The following AFF1 variants were observed in gnomAD, a reference collection of about 807,000 sequenced individuals.
AFF1 encodes AF4/FMR2 family member 1.
AFF1 carries 48 observed loss-of-function variants against 121.7 expected under a neutral mutation model. The ratio of observed to expected loss-of-function variants is 0.39; its 90% CI spans 0.31 to 0.50. The LOEUF (loss-of-function observed/expected upper bound fraction) is 0.50, where lower values mean the gene tolerates loss of function less well. AFF1 is among the 20% of genes least tolerant of loss of function. AFF1 has a pLI of 0.76. For missense variants in AFF1, 1,523 were observed against 1,511.7 expected (o/e 1.01, Z -0.12); for synonymous variants, 613 against 563.0 (o/e 1.09, Z -1.26).
chr4:87,001,234 T>TTTTTG (rs1725695055), intron 2 of AFF1, among the ~76,000 whole-genome samples: 1 of 141,966 alleles, frequency 7.0e-6, no homozygotes, highest in African/African-American at 2.8e-5. Flanking sequence ...TTTTTTTTTT[T>TTTTTG]GGTGACGGCG....
intron 11 of AFF1, among the ~76,000 whole-genome samples, chr4:87,111,413 G>A (rs1726518073): frequency 6.6e-6 from 1 of 151,950 alleles, no homozygotes; most frequent in East Asian, 1.9e-4. Flanking sequence ...GAGTGCAGTG[G>A]TGTGATCTCG....
chr4:87,125,664 C>T (rs1728161803), intron 13 of AFF1, among the ~76,000 whole-genome samples: 1 of 152,114 alleles, frequency 6.6e-6, no homozygotes, highest in African/African-American at 2.4e-5. Flanking sequence ...TAACAAGCAG[C>T]TATTATTTAC....
intron 5 of AFF1, among the ~76,000 whole-genome samples, chr4:87,084,368 G>A (rs926890963): frequency 7.9e-5 from 12 of 151,742 alleles, no homozygotes; most frequent in African/African-American, 1.5e-4. Flanking sequence ...GCAAAACCCC[G>A]TATCTACTAA....
intron 8 of AFF1, among the ~76,000 whole-genome samples, chr4:87,100,398 G>A (rs1304063857): frequency 6.6e-6 from 1 of 152,002 alleles, no homozygotes; most frequent in Non-Finnish European, 1.5e-5. Context: ...TGGCCTCCCT[G>A]CTCTTTTTGG....
chr4:87,111,486 T>C (rs1726526919), intron 11 of AFF1, among the ~76,000 whole-genome samples: 1 of 151,992 alleles, frequency 6.6e-6, no homozygotes, highest in South Asian at 2.1e-4. Context: ...CCTGAGTAGC[T>C]GGGACTACAG....
At chr4:87,023,203 CTG>C (rs1728205310) in intron 2 of AFF1, among the ~76,000 whole-genome samples, 2 of 152,216 alleles carry the variant, frequency 1.3e-5, no homozygotes, top group African/African-American at 4.8e-5. Context: ...GCCCAGCAGA[CTG>C]AAATCATTTT....
chr4:87,099,891 G>C (rs1725250804), intron 8 of AFF1, among the ~76,000 whole-genome samples: 1 of 152,226 alleles, frequency 6.6e-6, no homozygotes, highest in Admixed American at 6.5e-5. Flanking sequence ...GTCCAGAAAG[G>C]TCTCCCAGAG....
chr4:86,997,835 A>AT (rs34974422), intron 2 of AFF1, among the ~76,000 whole-genome samples: 64 of 143,378 alleles, frequency 4.5e-4, no homozygotes, highest in African/African-American at 1.6e-3. Flanking sequence ...GAGGCTGGGC[A>AT]TGGTGGCTCA....
At chr4:87,018,763 C>T (rs1202289464) in intron 2 of AFF1, among the ~76,000 whole-genome samples, 1 of 152,204 alleles carries the variant, frequency 6.6e-6, no homozygotes, top group Non-Finnish European at 1.5e-5. Context: ...ACCATAACAA[C>T]CTAGCTATGA....
Position 87,129,980 on chromosome 4 carries a change from C to CTTT in AFF1, c.2965-1093_2965-1091dup, listed in dbSNP as rs111862348. 8.3e-5 allele frequency among the ~76,000 whole-genome samples: 12 copies of CTTT among 144,642 alleles called. No individual in the cohort carries two copies. In the South Asian group the frequency reaches 2.6e-3, roughly 32 times the overall value. 94.9% of individuals were successfully genotyped at this position (144,642 alleles called of 152,430 possible). A position where few individuals can be genotyped will look rare whatever the true frequency, so the allele number is the denominator to read the frequency against. ...TTTCTTTCTTTCTTTTTTTCTTTTT[C>CTTT]TTTTTTTTTTTTGAGCCAGAGTCTT... On this transcript the variant is annotated intron_variant, in intron 16 of 20. Coordinates refer to ENST00000395146, the MANE Select transcript of AFF1 (RefSeq NM_001166693.3).
intron 2 of AFF1, among the ~76,000 whole-genome samples, chr4:86,991,727 G>A (rs1051853096): frequency 4.0e-5 from 6 of 151,366 alleles, no homozygotes; most frequent in African/African-American, 1.5e-4. Flanking sequence ...TCTTTAGTGT[G>A]GCTTGCTAAT....
chr4:86,987,258 TTATTATA>T (rs1256785622), intron 2 of AFF1, among the ~76,000 whole-genome samples: 2 of 140,446 alleles, frequency 1.4e-5, no homozygotes, highest in Non-Finnish European at 2.9e-5. Flanking sequence ...CAGAATCTTA[TTATTATA>T]ATGTATAAGC....
At chr4:86,996,330 CTG>C (rs1417782198) in intron 2 of AFF1, among the ~76,000 whole-genome samples, 8 of 152,028 alleles carry the variant, frequency 5.3e-5, no homozygotes, top group African/African-American at 1.7e-4. Flanking sequence ...GTTGCTGTGT[CTG>C]TGTAGAAAGA....
At chr4:86,959,542 A>T (rs1721999837) in intron 2 of AFF1, among the ~76,000 whole-genome samples, 1 of 151,320 alleles carries the variant, frequency 6.6e-6, no homozygotes, top group Admixed American at 6.6e-5. Context: ...TGGGGGAAAA[A>T]ATGGGTGCCT....
At chr4:87,058,744 C>G (rs775656221) in intron 4 of AFF1, among the ~76,000 whole-genome samples, 1 of 152,168 alleles carries the variant, frequency 6.6e-6, no homozygotes, top group Non-Finnish European at 1.5e-5. Context: ...CTTTCTTGTT[C>G]CCTCCACAGC....
intron 4 of AFF1, among the ~76,000 whole-genome samples, chr4:87,063,451 C>T (rs553400938): frequency 9.9e-5 from 15 of 152,038 alleles, no homozygotes; most frequent in African/African-American, 3.6e-4. Flanking sequence ...GTGGGTGAGG[C>T]TGTTCTCGAA....
chr4:87,005,696 C>A (rs1234098136), intron 2 of AFF1, among the ~76,000 whole-genome samples: 3 of 152,180 alleles, frequency 2.0e-5, no homozygotes. Flanking sequence ...CTGGGTACTT[C>A]CCATTTTATC....
At chr4:86,995,312 C>T (rs1725049967) in intron 2 of AFF1, among the ~76,000 whole-genome samples, 1 of 139,084 alleles carries the variant, frequency 7.2e-6, no homozygotes, top group Non-Finnish European at 1.5e-5. Context: ...CTCCCCCTCT[C>T]CCCACGGTCT....
intron 2 of AFF1, among the ~76,000 whole-genome samples, chr4:87,036,260 G>A (rs1729555027): frequency 6.6e-6 from 1 of 152,120 alleles, no homozygotes; most frequent in African/African-American, 2.4e-5. Flanking sequence ...CTTGACTGCT[G>A]GTAAGCACTT....
Sources: allele counts gnomAD v4.1 joint callset (sites outside exome capture counted in the v4.1 genomes callset), GRCh38; gene constraint gnomAD v4.1.1; transcripts MANE v1.5; gene names NCBI Gene and HGNC (gene_info 2026-07-23, HGNC 2026-07-21).